NR1H4: variants seen among roughly 807,000 people sequenced by gnomAD.
NR1H4 encodes bile acid receptor.
In NR1H4, 23 loss-of-function variants were observed where a neutral mutation model predicts 58.5. That is an observed-to-expected ratio of 0.39 (90% CI 0.28 to 0.56). NR1H4 has a LOEUF of 0.56. Ranked by LOEUF, NR1H4 falls within the 20% of genes least tolerant of loss-of-function variation. The pLI is 0.58. For missense variants in NR1H4, 487 were observed against 576.9 expected (o/e 0.84, Z 1.60); for synonymous variants, 214 against 198.0 (o/e 1.08, Z -0.68).
chr12:100,528,909 A>G (rs1383536984), intron 4 of NR1H4, among the ~76,000 whole-genome samples: 2 of 152,200 alleles, frequency 1.3e-5, no homozygotes, highest in South Asian at 2.1e-4. Context: ...AAAGGAAATC[A>G]TTCCTGGGAG....
At chr12:100,478,049 A>G (rs550454998) in intron 1 of NR1H4, among the ~76,000 whole-genome samples, 2 of 152,328 alleles carry the variant, frequency 1.3e-5, no homozygotes, top group South Asian at 4.1e-4. Flanking sequence ...CATAGAATAC[A>G]CAACACCAAG....
intron 3 of NR1H4, among the ~76,000 whole-genome samples, chr12:100,509,909 G>A (rs1041036535): frequency 1.6e-4 from 23 of 144,398 alleles, no homozygotes; most frequent in African/African-American, 6.2e-4. Flanking sequence ...ACGTGGGCAC[G>A]TGCGCGCACA....
chr12:100,533,975 C>A lies in NR1H4; in HGVS notation c.599-915C>A, dbSNP rs544549547. ...GCAGTGGCGCAATCTCGGCTCACTG[C>A]AAGCTCCGCTTCCCGGGTTCACGCC... On this transcript the variant is annotated intron_variant, in intron 5 of 10. Coordinates refer to ENST00000392986, the MANE Select transcript of NR1H4 (RefSeq NM_001206979.2). Among the ~76,000 whole-genome samples the A allele has an allele frequency of 4.9e-4, 75 of 151,836 alleles. No individual in the cohort carries two copies. The South Asian group carries it at 0.015, about 30-fold the overall frequency.
At chr12:100,506,038 CACACAGAG>C (rs1484489998) in intron 3 of NR1H4, among the ~76,000 whole-genome samples, 104 of 132,258 alleles carry the variant, frequency 7.9e-4, no homozygotes, top group South Asian at 4.8e-3. Context: ...CACACACACA[CACACAGAG>C]AGAGAGAGAG....
intron 9 of NR1H4, among the ~76,000 whole-genome samples, chr12:100,545,608 C>T (rs1022554262): frequency 3.0e-5 from 4 of 131,510 alleles, no homozygotes; most frequent in Non-Finnish European, 4.6e-5. Context: ...TGCCACTGTA[C>T]TCCAGCCTGG....
chr12:100,488,410 T>C (rs1953540856), intron 1 of NR1H4, among the ~76,000 whole-genome samples: 1 of 152,364 alleles, frequency 6.6e-6, no homozygotes, highest in African/African-American at 2.4e-5. Context: ...AGAGACAGTC[T>C]CATGGACAAG....
intron 9 of NR1H4, among the ~76,000 whole-genome samples, chr12:100,561,020 T>C (rs1484457489): frequency 6.6e-6 from 1 of 152,168 alleles, no homozygotes; most frequent in Non-Finnish European, 1.5e-5. Flanking sequence ...TTGGACATAC[T>C]GGGTTTGAAG....
At chr12:100,505,602 C>A (rs1953940921) in intron 3 of NR1H4, 1 of 701,784 alleles carries the variant, frequency 1.4e-6, no homozygotes, top group Admixed American at 2.0e-5. Context: ...TGGAGTCCAT[C>A]CATGTGTTCT....
At position 100,536,630 on chromosome 12, in the gene NR1H4, A is replaced by G. The variant is rs1566465102; in HGVS notation, c.831+20A>G. 2 of 1,314,466 alleles carry G rather than the reference A, an allele frequency of 1.5e-6. No homozygotes were observed. The highest frequency in any genetic ancestry group is 2.2e-6 in the Non-Finnish European group (2 of 907,852). 81.4% of individuals were successfully genotyped at this position (1,314,466 alleles called of 1,614,324 possible). The stretch of plus-strand genomic sequence containing the variant: ...AAAATTGTATGTATAATATCTGAAA[A>G]TATGTGGGTTTAAAGTTAATATTTT... On this transcript the variant is annotated intron_variant, in intron 7 of 10. Coordinates refer to ENST00000392986, the MANE Select transcript of NR1H4 (RefSeq NM_001206979.2).
At chr12:100,487,620 G>A (rs1953521199) in intron 1 of NR1H4, among the ~76,000 whole-genome samples, 1 of 124,188 alleles carries the variant, frequency 8.1e-6, no homozygotes, top group Admixed American at 1.0e-4. Context: ...TTTTTGAGAC[G>A]AGTCTCACTC....
At chr12:100,535,047 C>A in intron 6 of NR1H4, 24 bp downstream of exon 6, 1 of 1,613,926 alleles carries the variant, frequency 6.2e-7, no homozygotes. Context: ...ATGGTGTCTG[C>A]CAAGACTGGC....
intron 9 of NR1H4, among the ~76,000 whole-genome samples, chr12:100,553,192 G>T (rs542428347): frequency 6.6e-6 from 1 of 152,198 alleles, no homozygotes; most frequent in South Asian, 2.1e-4. Flanking sequence ...TAGAGATGGG[G>T]TTTCACCGTG....
intron 9 of NR1H4, among the ~76,000 whole-genome samples, chr12:100,560,694 G>A (rs1026049155): frequency 6.6e-6 from 1 of 152,160 alleles, no homozygotes; most frequent in Non-Finnish European, 1.5e-5. Flanking sequence ...CACCAATTCC[G>A]GACACACCAA....
At chr12:100,538,614 G>A (rs955130066) in intron 8 of NR1H4, among the ~76,000 whole-genome samples, 3 of 152,120 alleles carry the variant, frequency 2.0e-5, no homozygotes, top group African/African-American at 7.2e-5. Context: ...AAATATTGGT[G>A]TATTGAAATC....
At chr12:100,486,635 T>A (rs1420365256) in intron 1 of NR1H4, among the ~76,000 whole-genome samples, 2 of 152,164 alleles carry the variant, frequency 1.3e-5, no homozygotes, top group Non-Finnish European at 2.9e-5. Context: ...GATATGATAA[T>A]TTTATCACAG....
intron 10 of NR1H4, among the ~76,000 whole-genome samples, chr12:100,562,650 C>T (rs1162395476): frequency 6.6e-6 from 1 of 151,792 alleles, no homozygotes; most frequent in Middle Eastern, 3.2e-3. Flanking sequence ...AGGATATTTC[C>T]AGTTTTTTTG....
intron 9 of NR1H4, among the ~76,000 whole-genome samples, chr12:100,549,000 GACTTC>G (rs1565779910): frequency 6.6e-6 from 1 of 152,048 alleles, no homozygotes; most frequent in Non-Finnish European, 1.5e-5. Flanking sequence ...ACAGAGAGTT[GACTTC>G]ATCTTCTTGG....
intron 4 of NR1H4, among the ~76,000 whole-genome samples, chr12:100,517,127 A>G (rs1222809057): frequency 1.3e-5 from 2 of 152,196 alleles, no homozygotes; most frequent in Admixed American, 6.5e-5. Context: ...AACATCAGAC[A>G]TATTCCTTCT....
chr12:100,530,726 C>T (rs1159167552), intron 4 of NR1H4, among the ~76,000 whole-genome samples: 2 of 152,196 alleles, frequency 1.3e-5, no homozygotes, highest in African/African-American at 4.8e-5. Context: ...GTCTGTCCCT[C>T]GGGCCACCAC....
Sources: gnomAD v4.1 joint callset for allele counts (sites outside exome capture counted in the v4.1 genomes callset) on GRCh38, gnomAD v4.1.1 for gene constraint, MANE v1.5 for transcripts, NCBI Gene and HGNC (gene_info 2026-07-23, HGNC 2026-07-21) for gene names.